The following SLC25A29 variants were observed in gnomAD, a reference collection of about 807,000 sequenced individuals.
The protein encoded by SLC25A29 is solute carrier family 25 member 29.
A neutral mutation model predicts 10.0 loss-of-function variants in SLC25A29; 13 were observed. The ratio of observed to expected loss-of-function variants is 1.30; its 90% CI spans 0.85 to 2.07. The LOEUF (loss-of-function observed/expected upper bound fraction) is 2.07. Among genes scored for constraint, SLC25A29 ranks in the 30% most tolerant of loss-of-function variants. The pLI is 0.00. For synonymous variants in SLC25A29, 244 were observed against 221.1 expected (o/e 1.10, Z -0.92); for missense variants, 475 against 447.6 (o/e 1.06, Z -0.55).
chr14:100,306,096 C>T, intron 1 of SLC25A29, 103 bp downstream of exon 1: 2 of 849,364 alleles, frequency 2.4e-6, no homozygotes, highest in South Asian at 2.3e-5. Context: ...ACAGACGCGG[C>T]GACCCCCGCC....
At chr14:100,296,252 A>G (rs1892141167) in intron 2 of SLC25A29, 6 of 333,440 alleles carry the variant, frequency 1.8e-5, no homozygotes, top group South Asian at 1.4e-4. Context: ...TCAAGACCCC[A>G]TCTCTACTAA....
Position 100,292,753 on chromosome 14 carries a change from G to A in SLC25A29, c.442C>T (p.Arg148Cys), listed in dbSNP as rs148590600. The change falls in exon 4 of 4, where the codon CGT (arginine) becomes TGT (cysteine). Residue 148 changes from arginine (R) to cysteine (C), a missense_variant. Transcript: ENST00000359232. ...LAQIYGHEGL[R>C]GVNRGMVSTL... ...GACACCATGCCCCGGTTGACGCCAC[G>A]CAGACCCTCGTGCCCGTAGATCTGC... The A allele has an allele frequency of 1.8e-3, 2,864 of 1,601,498 alleles. 2 individuals carry two copies. The highest frequency in any genetic ancestry group is 1.9e-3 in the Non-Finnish European group (2,269 of 1,175,356).
In SLC25A29 at chr14:100,306,389, G is replaced by A. The variant is rs958730808; in HGVS notation, c.-157C>T. On this transcript the variant is annotated 5_prime_UTR_variant, in exon 1 of 4. Transcript: ENST00000359232. ...CCGGGCAGGCGCGGTCAGGGATGGTGGGGATGGCGGCAGCAGCTAGACCCG... is the reference window on the plus strand; with the variant it reads ...CCGGGCAGGCGCGGTCAGGGATGGTAGGGATGGCGGCAGCAGCTAGACCCG... The A allele has an allele frequency of 2.3e-5, 14 of 621,448 alleles. No homozygotes were observed. In the African/African-American group the frequency reaches 2.5e-4, roughly 11 times the overall value. 38.5% of individuals were successfully genotyped at this position (621,448 alleles called of 1,614,324 possible). A position where few individuals can be genotyped will look rare whatever the true frequency, so the allele number is the denominator to read the frequency against.
chr14:100,286,029 A>G, the SLC25A29 span, among the ~76,000 whole-genome samples: 2 of 152,020 alleles, frequency 1.3e-5, no homozygotes, highest in African/African-American at 4.8e-5. Flanking sequence ...CCCTGCCTGT[A>G]GGTTCTGGAG....
chr14:100,298,875 G>A lies in SLC25A29; in HGVS notation c.45C>T (p.Gly15=), dbSNP rs776512270. The part of the protein sequence containing the change: ...FLAGCAGGVA[G]VLVGHPFDTV... ...TGTCAAACGGGTGTCCCACAAGCACGCCTGCCACACCTGGAGGAGGAGAGG... is the reference window on the plus strand; with the variant it reads ...TGTCAAACGGGTGTCCCACAAGCACACCTGCCACACCTGGAGGAGGAGAGG... The change falls in exon 2 of 4, where the codon GGC becomes GGT. Residue 15 remains glycine (G), a synonymous_variant. Coordinates refer to ENST00000359232, the MANE Select transcript of SLC25A29 (RefSeq NM_001039355.3). 3.0e-5 allele frequency: 49 copies of A among 1,612,862 alleles called. No individual in the cohort carries two copies. Among genetic ancestry groups the A allele is most frequent in the Non-Finnish European group, 4.0e-5 (47 of 1,179,902 alleles).
At chr14:100,305,510 T>C (rs1892864765) in intron 1 of SLC25A29, 1 of 151,936 alleles carries the variant, frequency 6.6e-6, no homozygotes, top group South Asian at 2.1e-4. Context: ...GGTCGGGGCA[T>C]GGGAGAGCCT....
At chr14:100,284,821 C>G in the SLC25A29 span, among the ~76,000 whole-genome samples, 272 of 152,274 alleles carry the variant, frequency 1.8e-3, 1 homozygote, top group Non-Finnish European at 3.2e-3. Context: ...GGGCAGATCA[C>G]CTGAGGTCGG....
chr14:100,302,870 G>GC (rs938822909), intron 1 of SLC25A29, among the ~76,000 whole-genome samples: 2 of 151,922 alleles, frequency 1.3e-5, no homozygotes, highest in Non-Finnish European at 2.9e-5. Flanking sequence ...ACCAGGAGAT[G>GC]CCAAGGGTGT....
At chr14:100,278,809 G>A in the SLC25A29 span, 1 of 152,282 alleles carries the variant, frequency 6.6e-6, no homozygotes, top group African/African-American at 2.4e-5. Flanking sequence ...CGCCTGCGCA[G>A]GGTAAGGTGC....
In SLC25A29 at chr14:100,293,357, G is replaced by A. The variant is rs748238968; in HGVS notation, c.99C>T (p.Ser33=). ...TCCCGCGGTACTGAGGCTTCTCCAC[G>A]CTCTGGACCTGAAGCCGTACCTGGA... ...DTVKVRLQVQ[S]VEKPQYRGTL... The change falls in exon 3 of 4, where the codon AGC becomes AGT. Residue 33 remains serine, a synonymous_variant. Transcript: ENST00000359232. 1.1e-5 allele frequency: 17 copies of A among 1,613,206 alleles called. No individual in the cohort carries two copies. The highest frequency in any genetic ancestry group is 1.3e-5 in the Non-Finnish European group (15 of 1,179,950).
chr14:100,290,944 T>C (rs1234066185), downstream of SLC25A29, among the ~76,000 whole-genome samples: 1 of 152,216 alleles, frequency 6.6e-6, no homozygotes, highest in African/African-American at 2.4e-5. Context: ...TAGCTTGCCT[T>C]GCAGATGAGA....
the SLC25A29 span, chr14:100,281,466 C>T: frequency 6.6e-6 from 1 of 152,144 alleles, no homozygotes; most frequent in African/African-American, 2.4e-5. Flanking sequence ...GGCCCTTTGT[C>T]CTGGATACAC....
chr14:100,302,030 G>A (rs1892591634), intron 1 of SLC25A29, among the ~76,000 whole-genome samples: 1 of 149,786 alleles, frequency 6.7e-6, no homozygotes, highest in East Asian at 1.9e-4. Flanking sequence ...CTCATCAACT[G>A]CCATTTCATT....
At chr14:100,299,884 T>G (rs1892426981) in intron 1 of SLC25A29, 1 of 985,440 alleles carries the variant, frequency 1.0e-6, no homozygotes, top group Non-Finnish European at 1.2e-6. Flanking sequence ...TTACGACCCA[T>G]TCTCACTCTT....
intron 1 of SLC25A29, chr14:100,305,464 G>C (rs1205588287): frequency 6.6e-6 from 1 of 151,174 alleles, no homozygotes; most frequent in Non-Finnish European, 1.5e-5. Context: ...AGAGAAGCCA[G>C]AGGCCCAACA....
intron 2 of SLC25A29, chr14:100,298,463 C>T (rs552859313): frequency 1.9e-5 from 6 of 322,232 alleles, no homozygotes; most frequent in Non-Finnish European, 3.0e-5. Flanking sequence ...ATCACCACTC[C>T]GTGAAGATCA....
At chr14:100,295,843 C>T (rs1892109814) in intron 2 of SLC25A29, 1 of 1,289,790 alleles carries the variant, frequency 7.8e-7, no homozygotes, top group Non-Finnish European at 1.0e-6. Flanking sequence ...GTCAAGACAA[C>T]TGCTCCCTGA....
intron 1 of SLC25A29, chr14:100,305,633 A>AC (rs1395340479): frequency 2.8e-5 from 1 of 35,262 alleles, no homozygotes. Context: ...CCCACCCACC[A>AC]CCCCCCTTCC....
downstream of SLC25A29, among the ~76,000 whole-genome samples, chr14:100,286,479 G>A (rs1415036112): frequency 6.7e-6 from 1 of 149,650 alleles, no homozygotes; most frequent in Admixed American, 6.6e-5. Flanking sequence ...CTGGGGGGGG[G>A]GGTGTTGCTT....
Sources: allele counts gnomAD v4.1 joint callset (sites outside exome capture counted in the v4.1 genomes callset), GRCh38; gene constraint gnomAD v4.1.1; transcripts MANE v1.5; gene names NCBI Gene and HGNC (gene_info 2026-07-23, HGNC 2026-07-21).